The following PLXNA4 variants were observed in gnomAD, a reference collection of about 807,000 sequenced individuals.
PLXNA4 encodes plexin-A4.
Under a neutral mutation model 191.8 loss-of-function variants are expected in PLXNA4, and 44 were observed. The ratio of observed to expected loss-of-function variants is 0.23; its 90% confidence interval spans 0.18 to 0.29. The LOEUF (loss-of-function observed/expected upper bound fraction) is 0.29, where lower values mean the gene tolerates loss of function less well. Ranked by LOEUF, PLXNA4 falls within the 10% of genes least tolerant of loss-of-function variation. The pLI, the probability that PLXNA4 is intolerant of heterozygous loss-of-function variation, is 1.00. For missense variants in PLXNA4, 1,800 were observed against 2,488.8 expected, an observed-to-expected ratio of 0.72 and a Z score of 5.89; for synonymous variants, 1,082 against 1,009.5, an observed-to-expected ratio of 1.07 and a Z score of -1.36.
intron 1 of PLXNA4, among the ~76,000 whole-genome samples, chr7:132,525,777 G>T (rs1254717443): frequency 6.6e-6 from 1 of 152,104 alleles, no homozygotes; most frequent in Non-Finnish European, 1.5e-5. Flanking sequence ...CCCTCCCAAG[G>T]CTCTGCCCTG....
chr7:132,184,089 G>A (rs62469715), intron 16 of PLXNA4, among the ~76,000 whole-genome samples: 6,112 of 152,258 alleles, frequency 0.04, 161 homozygotes, highest in Non-Finnish European at 0.063. Flanking sequence ...TTGTTCCCTG[G>A]ACTGGACACA....
intron 3 of PLXNA4, among the ~76,000 whole-genome samples, chr7:132,375,842 C>G (rs527313409): frequency 2.0e-4 from 30 of 152,124 alleles, no homozygotes; most frequent in African/African-American, 6.8e-4. Flanking sequence ...GTGGGGACTG[C>G]CAGCATGAAG....
At chr7:132,382,024 G>GA (rs1804916408) in intron 3 of PLXNA4, among the ~76,000 whole-genome samples, 5 of 114,552 alleles carry the variant, frequency 4.4e-5, no homozygotes, top group South Asian at 2.7e-4. Flanking sequence ...AGAGGAGGGG[G>GA]GAAAACACAG....
At chr7:132,321,937 G>A (rs1373534384) in intron 3 of PLXNA4, among the ~76,000 whole-genome samples, 1 of 152,276 alleles carries the variant, frequency 6.6e-6, no homozygotes, top group South Asian at 2.1e-4. Context: ...CAGAGTATCT[G>A]GGCAAGCTAC....
rs1372935357 is a variant in PLXNA4 at position 132,508,147 on chromosome 7, G to A, written c.547C>T (p.Leu183=). The change falls in exon 2 of 32, where the codon CTG becomes TTG. Residue 183 remains leucine (L), a synonymous_variant. Coordinates refer to ENST00000321063, the MANE Select transcript of PLXNA4 (RefSeq NM_020911.2). This position sits in a 1 kb window ranked among gnomAD's most constrained non-coding sequence, Gnocchi z 4.4. ...CCATCCACTGCCGTGGCAATGAACA[G>A]CTTGTCATCCAGGTTGCTGTAGGAG... The part of the protein sequence containing the change: ...IVSYSNLDDK[L]FIATAVDGKP... 1.2e-6 allele frequency: 2 copies of A among 1,614,104 alleles called. No homozygotes were observed. The highest frequency in any genetic ancestry group is 1.3e-5 in the African/African-American group (1 of 74,938).
At chr7:132,279,005 C>T (rs945229826) in intron 4 of PLXNA4, among the ~76,000 whole-genome samples, 3 of 152,222 alleles carry the variant, frequency 2.0e-5, no homozygotes, top group African/African-American at 7.2e-5. Context: ...CTCTTGCAAA[C>T]TGCAGGTGGT....
Position 132,441,927 on chromosome 7 carries a change from G to A in PLXNA4, c.1371+47365C>T, listed in dbSNP as rs186031293. Among the ~76,000 whole-genome samples, 22 of 152,278 alleles carry A rather than the reference G, an allele frequency of 1.4e-4. No individual in the cohort carries two copies. The East Asian group carries it at 3.1e-3, about 21-fold the overall frequency. On this transcript the variant is annotated intron_variant, in intron 3 of 31. Transcript: ENST00000321063. ...TTGGAGAAGTCCTTCAGGGTAAGGA[G>A]TGCCAACTGCTTTGTGAAGTGGCAT...
chr7:132,642,765 G>A (rs553077864), intron 2 of PLXNA4, among the ~76,000 whole-genome samples: 3 of 152,204 alleles, frequency 2.0e-5, no homozygotes, highest in South Asian at 2.1e-4. Context: ...AAGAAACTAC[G>A]GTTCACCCAA....
At chr7:132,609,350 C>T (rs1356649081) in intron 2 of PLXNA4, among the ~76,000 whole-genome samples, 2 of 152,118 alleles carry the variant, frequency 1.3e-5, no homozygotes, top group Non-Finnish European at 2.9e-5. Flanking sequence ...ATGTGAGTTG[C>T]TCCATCATGT....
chr7:132,226,197 G>C lies in PLXNA4; in HGVS notation c.1946C>G (p.Thr649Ser). The C allele has an allele frequency of 1.2e-6, 2 of 1,614,032 alleles. No homozygotes were observed. ...SKETGMTFASTSFVFYNCSVH... is the reference protein window; with the variant it reads ...SKETGMTFASSSFVFYNCSVH... ...GCTGCAATTGTAGAAGACAAAGCTG[G>C]TGCTGGCGAAGGTCATGCCGGTCTC... Residue 649 changes from threonine to serine, a missense_variant, in exon 8 of 32, where the codon ACC becomes AGC. Thr to Ser is a moderately conservative substitution (Grantham distance 58, BLOSUM62 1). Transcript: ENST00000321063.
chr7:132,227,530 C>A lies in PLXNA4; in HGVS notation c.1803G>T (p.Met601Ile). 1.9e-6 allele frequency: 3 copies of A among 1,614,216 alleles called. No individual in the cohort carries two copies. Among genetic ancestry groups the A allele is most frequent in the Non-Finnish European group, 2.5e-6 (3 of 1,180,048 alleles). Reference sequence around the variant, plus strand: ...TCTGATTGCCCACGACCAGCCCATCCATCTCTGACAGGTCCTCAAAGGTGC... The same window carrying A: ...TCTGATTGCCCACGACCAGCCCATCAATCTCTGACAGGTCCTCAAAGGTGC... ...VNCTFEDLSE[M>I]DGLVVGNQIQ... The change falls in exon 7 of 32, where the codon ATG (methionine) becomes ATT (isoleucine). Residue 601 changes from methionine (M) to isoleucine (I), a missense_variant. This residue lies in a region of PLXNA4 where 1,397 missense variants were observed against 1,880.4 expected (regional missense o/e 0.74). Transcript: ENST00000321063.
intron 3 of PLXNA4, among the ~76,000 whole-genome samples, chr7:132,362,613 C>T (rs915848283): frequency 6.6e-6 from 1 of 152,062 alleles, no homozygotes. Flanking sequence ...TATAGTGACC[C>T]GTTAACTGAT....
At chr7:132,197,737 A>T (rs1237081460) in intron 13 of PLXNA4, among the ~76,000 whole-genome samples, 2 of 152,118 alleles carry the variant, frequency 1.3e-5, no homozygotes, top group Non-Finnish European at 2.9e-5. Flanking sequence ...TCTAGGCAAG[A>T]CCCAGCAAGC....
intron 16 of PLXNA4, among the ~76,000 whole-genome samples, chr7:132,184,902 C>T (rs1796826810): frequency 6.6e-6 from 1 of 152,048 alleles, no homozygotes; most frequent in African/African-American, 2.4e-5. Context: ...AGGGAGTAGT[C>T]AGGCCTGATC....
intron 4 of PLXNA4, among the ~76,000 whole-genome samples, chr7:132,243,766 G>A (rs1798957994): frequency 6.7e-6 from 1 of 149,742 alleles, no homozygotes; most frequent in African/African-American, 2.5e-5. Context: ...ATGATGGATC[G>A]CTGCTATCCT....
chr7:132,621,590 G>T (rs1356693116), intron 2 of PLXNA4, among the ~76,000 whole-genome samples: 1 of 152,104 alleles, frequency 6.6e-6, no homozygotes, highest in Non-Finnish European at 1.5e-5. Flanking sequence ...TGCTGCAAAG[G>T]TATCTTATTT....
At chr7:132,426,981 C>T (rs1278405691) in intron 3 of PLXNA4, among the ~76,000 whole-genome samples, 1 of 152,148 alleles carries the variant, frequency 6.6e-6, no homozygotes, top group South Asian at 2.1e-4. Flanking sequence ...TCACCTGTAC[C>T]CCCTTGGGAC....
At chr7:132,339,931 T>A (rs780940890) in intron 3 of PLXNA4, among the ~76,000 whole-genome samples, 6 of 151,798 alleles carry the variant, frequency 4.0e-5, no homozygotes, top group Non-Finnish European at 5.9e-5. Flanking sequence ...AAGATATTTT[T>A]AACCAAAGAC....
In PLXNA4 at chr7:132,227,327, C is replaced by A. The variant is rs1412620296; in HGVS notation, c.1882+124G>T. On this transcript the variant is annotated intron_variant, in intron 7 of 31. Coordinates refer to ENST00000321063, the MANE Select transcript of PLXNA4 (RefSeq NM_020911.2). ...TCTTCCCATAACACACCCACCATCC[C>A]ATGCCCCTTCCTCTGACTCTCTCCT... 1.3e-5 allele frequency: 17 copies of A among 1,330,290 alleles called. No homozygotes were observed. The African/African-American group carries it at 2.2e-4, about 17-fold the overall frequency. 82.4% of individuals were successfully genotyped at this position (1,330,290 alleles called of 1,614,324 possible). A position where few individuals can be genotyped will look rare whatever the true frequency, so the allele number is the denominator to read the frequency against.
Sources: gnomAD v4.1 joint callset for allele counts (sites outside exome capture counted in the v4.1 genomes callset) on GRCh38, gnomAD v4.1.1 for gene constraint, gnomAD v4.1.1 regional missense constraint, Gnocchi (gnomAD v3.1) non-coding constraint, MANE v1.5 for transcripts, NCBI Gene and HGNC (gene_info 2026-07-23, HGNC 2026-07-21) for gene names.